The following CDH7 variants were observed in gnomAD, a reference collection of about 807,000 sequenced individuals.
CDH7 encodes the protein cadherin 7.
Under a neutral mutation model 71.8 loss-of-function variants are expected in CDH7, and 25 were observed. The observed-to-expected ratio is 0.35, with a 90% CI of 0.25 to 0.49. The LOEUF is 0.49. Among genes scored for constraint, CDH7 ranks in the 20% least tolerant of loss-of-function variants. CDH7 has a pLI of 0.99. For synonymous variants in CDH7, 381 were observed against 363.8 expected (o/e 1.05, Z -0.54); for missense variants, 862 against 974.6 (o/e 0.88, Z 1.54).
chr18:65,824,589 A>G (rs1287557065), intron 5 of CDH7, 55 bp from the exon 6 acceptor site: 11 of 1,192,060 alleles, frequency 9.2e-6, no homozygotes, highest in Non-Finnish European at 1.3e-5. Context: ...CAATATTTAA[A>G]TTTTTATTGG....
intron 2 of CDH7, among the ~76,000 whole-genome samples, chr18:65,773,703 G>T (rs985173119): frequency 6.6e-6 from 1 of 152,054 alleles, no homozygotes; most frequent in African/African-American, 2.4e-5. Flanking sequence ...AATATGGTAT[G>T]AAAATGTATT....
intron 6 of CDH7, among the ~76,000 whole-genome samples, chr18:65,840,381 G>C (rs1912685996): frequency 6.7e-6 from 1 of 149,078 alleles, no homozygotes; most frequent in Admixed American, 6.9e-5. Flanking sequence ...GAACCCTAGA[G>C]ATGCTAAAAG....
chr18:65,793,677 C>T (rs1449310853), intron 2 of CDH7, among the ~76,000 whole-genome samples: 1 of 152,010 alleles, frequency 6.6e-6, no homozygotes, highest in Non-Finnish European at 1.5e-5. Flanking sequence ...AGTGTGATTG[C>T]AAAGGAGACT....
intron 7 of CDH7, among the ~76,000 whole-genome samples, chr18:65,848,978 G>A (rs2144005087): frequency 6.6e-6 from 1 of 152,138 alleles, no homozygotes; most frequent in African/African-American, 2.4e-5. Context: ...TTTTTAAGTA[G>A]CTTGTACTCA....
At chr18:65,773,317 A>G (rs944869541) in intron 2 of CDH7, among the ~76,000 whole-genome samples, 2 of 152,196 alleles carry the variant, frequency 1.3e-5, no homozygotes, top group Non-Finnish European at 2.9e-5. Flanking sequence ...TAAATATTAT[A>G]TGAATATCAC....
intron 7 of CDH7, among the ~76,000 whole-genome samples, chr18:65,856,479 G>A (rs1376095196): frequency 6.6e-6 from 1 of 152,038 alleles, no homozygotes; most frequent in African/African-American, 2.4e-5. Context: ...AGTGGGAGGT[G>A]GTGGATAGAG....
intron 11 of CDH7, chr18:65,863,191 C>T (rs965532234): frequency 1.3e-5 from 6 of 467,468 alleles, no homozygotes; most frequent in African/African-American, 3.9e-5. Context: ...GGGTGCACCA[C>T]CACACCCAGC....
chr18:65,788,123 C>G (rs766156245), intron 2 of CDH7, among the ~76,000 whole-genome samples: 47 of 152,088 alleles, frequency 3.1e-4, no homozygotes, highest in Non-Finnish European at 4.4e-4. Flanking sequence ...CTTGTATAAT[C>G]AGGAATTGAT....
chr18:65,752,739 A>G lies in CDH7; in HGVS notation c.-197+1589A>G, dbSNP rs566995195. Among the ~76,000 whole-genome samples, 416 of 152,326 alleles carry G rather than the reference A, an allele frequency of 2.7e-3. 3 individuals are homozygous for G. The highest frequency in any genetic ancestry group is 9.7e-3 in the African/African-American group (403 of 41,572). The stretch of plus-strand genomic sequence containing the variant: ...TAGCAGAGCAATTAGGTAACATCCA[A>G]CGTCAATAGTCTTATCTGGGAAAGC... On this transcript the variant is annotated intron_variant, in intron 1 of 11. Coordinates refer to ENST00000397968, the MANE Select transcript of CDH7 (RefSeq NM_004361.5).
intron 11 of CDH7, 58 bp from the exon 12 acceptor site, chr18:65,880,343 T>A (rs1442615392): frequency 5.3e-6 from 8 of 1,499,000 alleles, no homozygotes; most frequent in Non-Finnish European, 7.1e-6. Context: ...AATTTTACCA[T>A]GACGTGGGGC....
Position 65,889,431 on chromosome 18 carries a change from G to A in CDH7, c.*8537G>A, listed in dbSNP as rs895621538. 6.6e-6 allele frequency: 1 copy of A among 152,158 alleles called. No homozygotes were observed. The allele number at this position is 152,158 out of a possible 1,614,324, so 9.4% of individuals were successfully genotyped here. A position where few individuals can be genotyped will look rare whatever the true frequency, so the allele number is the denominator to read the frequency against. On this transcript the variant is annotated 3_prime_UTR_variant, in exon 12 of 12. Coordinates refer to ENST00000397968, the MANE Select transcript of CDH7 (RefSeq NM_004361.5). ...ATCCATGAAAGTGCTAATGTCATTT[G>A]AGGCCAGTTTCACCCCTACCTCCCA...
At chr18:65,755,052 G>T (rs1915994102) in intron 1 of CDH7, among the ~76,000 whole-genome samples, 1 of 152,078 alleles carries the variant, frequency 6.6e-6, no homozygotes, top group Admixed American at 6.6e-5. Context: ...TACCTACTTA[G>T]AAAATTAAAA....
At chr18:65,780,937 T>C (rs1444875502) in intron 2 of CDH7, among the ~76,000 whole-genome samples, 20 of 146,068 alleles carry the variant, frequency 1.4e-4, no homozygotes, top group Non-Finnish European at 2.8e-4. Flanking sequence ...TTTTTTTTTT[T>C]CGGAGAAAAT....
chr18:65,781,856 T>TCTCTCTCTGTCTCTC (rs1568181648), intron 2 of CDH7, among the ~76,000 whole-genome samples: 1 of 79,200 alleles, frequency 1.3e-5, no homozygotes, highest in African/African-American at 9.9e-5. Flanking sequence ...CTTTCTTTCT[T>TCTCTCTCTGTCTCTC]TCTTTCTTTC....
intron 2 of CDH7, among the ~76,000 whole-genome samples, chr18:65,800,354 C>G (rs1009170565): frequency 3.9e-5 from 6 of 152,182 alleles, no homozygotes; most frequent in Admixed American, 2.6e-4. Context: ...GCTGGGATTA[C>G]AGCCGTCAGC....
At chr18:65,844,355 T>G (rs1250312988) in intron 7 of CDH7, among the ~76,000 whole-genome samples, 1 of 151,754 alleles carries the variant, frequency 6.6e-6, no homozygotes, top group Non-Finnish European at 1.5e-5. Flanking sequence ...CCTGAATCTC[T>G]TTTAAAGCAA....
intron 7 of CDH7, among the ~76,000 whole-genome samples, chr18:65,856,340 G>A (rs1371175079): frequency 1.3e-5 from 2 of 152,104 alleles, no homozygotes; most frequent in Non-Finnish European, 2.9e-5. Flanking sequence ...ATACACAGGA[G>A]TAATAATAAT....
At position 65,762,835 on chromosome 18, in the gene CDH7, A is replaced by T. The variant is rs753653033; in HGVS notation, c.-8A>T. ...TTCTTACACAGGAAAAAGAAAGAAA[A>T]AAAAAAGATGAAGTTGGGCAAAGTG... is the stretch of plus-strand genomic sequence containing the variant. On this transcript the variant is annotated 5_prime_UTR_variant, in exon 2 of 12. Coordinates refer to ENST00000397968, the MANE Select transcript of CDH7 (RefSeq NM_004361.5). 2 of 1,599,556 alleles carry T rather than the reference A, an allele frequency of 1.3e-6. No individual in the cohort carries two copies. Among genetic ancestry groups the T allele is most frequent in the Non-Finnish European group, 1.7e-6 (2 of 1,175,820 alleles).
chr18:65,790,220 C>CAAAAAAAA lies in CDH7; in HGVS notation c.211-19468_211-19461dup, dbSNP rs10552878. Among the ~76,000 whole-genome samples, 86 of 66,514 alleles carry CAAAAAAAA rather than the reference C, an allele frequency of 1.3e-3. 1 individual carries two copies. Among genetic ancestry groups the CAAAAAAAA allele is most frequent in the African/African-American group, 4.1e-3 (79 of 19,106 alleles). The allele number at this position is 66,514 out of a possible 152,430, so 43.6% of individuals were successfully genotyped here. A position where few individuals can be genotyped will look rare whatever the true frequency, so the allele number is the denominator to read the frequency against. ...TGGGTGACAGAGTAAGACTCTCTCT[C>CAAAAAAAA]AAAAAAAAAAAAAAAAAAAAAAAGA... On this transcript the variant is annotated intron_variant, in intron 2 of 11. Coordinates refer to ENST00000397968, the MANE Select transcript of CDH7 (RefSeq NM_004361.5).
Sources: allele counts gnomAD v4.1 joint callset (sites outside exome capture counted in the v4.1 genomes callset), GRCh38; gene constraint gnomAD v4.1.1; transcripts MANE v1.5; gene names NCBI Gene and HGNC (gene_info 2026-07-23, HGNC 2026-07-21).